Variants in RAD21L1 observed in about 807,000 individuals in gnomAD.
RAD21L1 encodes RAD21 cohesin complex component like 1.
RAD21L1 carries 47 observed loss-of-function variants against 69.0 expected under a neutral mutation model. That is an observed-to-expected ratio of 0.68 (90% CI 0.54 to 0.87). RAD21L1 has a LOEUF of 0.87. Among genes scored for constraint, RAD21L1 ranks in the 40% least tolerant of loss-of-function variants. RAD21L1 has a pLI of 0.00. For missense variants in RAD21L1, 583 were observed against 647.6 expected (o/e 0.90, Z 1.08); for synonymous variants, 177 against 205.8 (o/e 0.86, Z 1.20).
intron 13 of RAD21L1, among the ~76,000 whole-genome samples, chr20:1,251,972 T>G (rs2087843153): frequency 6.6e-6 from 1 of 152,120 alleles, no homozygotes; most frequent in Admixed American, 6.5e-5. Flanking sequence ...GGAGTAAACA[T>G]ATATCAAACC....
intron 13 of RAD21L1, among the ~76,000 whole-genome samples, chr20:1,252,451 T>A (rs1156581974): frequency 6.6e-6 from 1 of 152,162 alleles, no homozygotes; most frequent in Non-Finnish European, 1.5e-5. Flanking sequence ...CTAGGAGATA[T>A]AAGCATGATG....
At position 1,246,729 on chromosome 20, in the gene RAD21L1, A is replaced by G. The variant is rs776561352; in HGVS notation, c.1401+424A>G. Among the ~76,000 whole-genome samples, 1 of 152,162 alleles carries G rather than the reference A, an allele frequency of 6.6e-6. No individual in the cohort carries two copies. The highest frequency in any genetic ancestry group is 2.4e-5 in the African/African-American group (1 of 41,450). On this transcript the variant is annotated intron_variant, in intron 12 of 13. Transcript: ENST00000683101. The surrounding 1 kb of genome is among the most constrained non-coding windows in gnomAD (Gnocchi z 4.6). ...TTTTTCCTTTAACATTATGTGGCAC[A>G]AGGCTTGTATCTATACAAGGCTTCT...
chr20:1,232,957 G>A (rs1288101515), intron 4 of RAD21L1, among the ~76,000 whole-genome samples: 5 of 152,282 alleles, frequency 3.3e-5, no homozygotes, highest in Non-Finnish European at 5.9e-5. Flanking sequence ...AAAGAGACCT[G>A]TAGGAGTTTT....
Position 1,244,175 on chromosome 20 carries a change from G to C in RAD21L1, c.1308+5G>C, listed in dbSNP as rs2087675320. Reference sequence around the variant, plus strand: ...AATAAAAATATTAACTCTGAGGTAAGTTATCCAGAGAGAATCGTAAAAATA... The same window carrying C: ...AATAAAAATATTAACTCTGAGGTAACTTATCCAGAGAGAATCGTAAAAATA... On this transcript the variant is annotated splice_donor_5th_base_variant and intron_variant, in intron 11 of 13. Transcript: ENST00000683101. 5 of 1,526,628 alleles carry C rather than the reference G, an allele frequency of 3.3e-6. No homozygotes were observed. The South Asian group carries it at 6.2e-5, about 19-fold the overall frequency. 94.6% of individuals were successfully genotyped at this position (1,526,628 alleles called of 1,614,324 possible).
intron 5 of RAD21L1, among the ~76,000 whole-genome samples, chr20:1,235,654 A>G (rs1436594683): frequency 1.3e-5 from 2 of 152,172 alleles, no homozygotes; most frequent in African/African-American, 2.4e-5. Flanking sequence ...CTTACTGGCT[A>G]TAACCCCAGA....
rs2087711146 is a variant in RAD21L1 at position 1,246,092 on chromosome 20, G to A, written c.1309-121G>A. On this transcript the variant is annotated intron_variant, in intron 11 of 13. Coordinates refer to ENST00000683101, the MANE Select transcript of RAD21L1 (RefSeq NM_001384355.1). The surrounding 1 kb of genome is among the most constrained non-coding windows in gnomAD (Gnocchi z 4.6). ...CAGAGATAATATTTTGAGAATGTGG[G>A]TAGTATTTTAAATTAGTTTGAGAAG... is the stretch of plus-strand genomic sequence containing the variant. 6 of 471,658 alleles carry A rather than the reference G, an allele frequency of 1.3e-5. No individual in the cohort carries two copies. The South Asian group carries it at 1.8e-4, about 14-fold the overall frequency. The allele number at this position is 471,658 out of a possible 1,614,324, so 29.2% of individuals were successfully genotyped here.
At chr20:1,241,205 C>G (rs574583057) in intron 8 of RAD21L1, among the ~76,000 whole-genome samples, 1 of 152,314 alleles carries the variant, frequency 6.6e-6, no homozygotes, top group Admixed American at 6.5e-5. Flanking sequence ...ATAAAGAAGA[C>G]ACACACTTTT....
At position 1,246,240 on chromosome 20, in the gene RAD21L1, G is replaced by C; in HGVS notation, c.1336G>C (p.Ala446Pro). ...TATTGTTGAAATGGTGTCTTTAGCT[G>C]CTGAGGAATCATCTTTAATGAATGA... is the stretch of plus-strand genomic sequence containing the variant. ...EDIVEMVSLA[A>P]EESSLMNDLF... Residue 446 changes from alanine to proline, a missense_variant, in exon 12 of 14, where the codon GCT (alanine) becomes CCT (proline). By Grantham distance (27) the Ala-to-Pro change is conservative. Transcript: ENST00000683101. The surrounding 1 kb of genome is among the most constrained non-coding windows in gnomAD (Gnocchi z 4.6). The C allele has an allele frequency of 6.5e-7, 1 of 1,540,648 alleles. No homozygotes were observed. The highest frequency in any genetic ancestry group is 8.8e-7 in the Non-Finnish European group (1 of 1,142,666).
At position 1,234,134 on chromosome 20, in the gene RAD21L1, G is replaced by T; in HGVS notation, c.418G>T (p.Glu140Ter). 6.5e-7 allele frequency: 1 copy of T among 1,546,736 alleles called. No homozygotes were observed. The highest frequency in any genetic ancestry group is 8.7e-7 in the Non-Finnish European group (1 of 1,143,002). The change falls in exon 5 of 14, where the codon GAA becomes TAA. Residue 140 changes from glutamate (E) to a stop codon, truncating the protein, a stop_gained. Transcript: ENST00000683101. LOFTEE classifies it high-confidence loss of function. ...HFTQNQSRPE[E>*]ITLRENFDND... ...TACTCAGAACCAAAGCAGACCAGAA[G>T]AAATCACTCTTAGAGAAAATTTTGA...
At chr20:1,227,056 C>T (rs960219729) in intron 1 of RAD21L1, among the ~76,000 whole-genome samples, 1 of 152,040 alleles carries the variant, frequency 6.6e-6, no homozygotes, top group African/African-American at 2.4e-5. Context: ...ATTACAGACG[C>T]CCGCCACCGT....
intron 8 of RAD21L1, among the ~76,000 whole-genome samples, chr20:1,241,206 A>G (rs999016025): frequency 6.6e-6 from 1 of 152,230 alleles, no homozygotes; most frequent in African/African-American, 2.4e-5. Context: ...TAAAGAAGAC[A>G]CACACTTTTT....
chr20:1,251,794 ATTCTT>A (rs1315478728), intron 13 of RAD21L1, among the ~76,000 whole-genome samples: 3 of 151,842 alleles, frequency 2.0e-5, no homozygotes, highest in Non-Finnish European at 2.9e-5. Flanking sequence ...GTTACTAACT[ATTCTT>A]TTATTTTATA....
At chr20:1,249,729 G>A (rs1003911752) in intron 13 of RAD21L1, among the ~76,000 whole-genome samples, 1 of 152,074 alleles carries the variant, frequency 6.6e-6, no homozygotes, top group African/African-American at 2.4e-5. Flanking sequence ...AGAAGAGAAT[G>A]GAAATTAAAG....
chr20:1,227,658 A>G (rs1394301442), intron 1 of RAD21L1, among the ~76,000 whole-genome samples: 2 of 152,242 alleles, frequency 1.3e-5, no homozygotes, highest in Non-Finnish European at 2.9e-5. Flanking sequence ...TAGCTTAGTG[A>G]TAGAGCCCTA....
chr20:1,250,302 G>T (rs936157634), intron 13 of RAD21L1, among the ~76,000 whole-genome samples: 1 of 149,056 alleles, frequency 6.7e-6, no homozygotes, highest in African/African-American at 2.5e-5. Flanking sequence ...TGTGCACAAC[G>T]TGCAGGTTTG....
At chr20:1,231,688 T>G in intron 4 of RAD21L1, 69 bp downstream of exon 4, 1 of 795,562 alleles carries the variant, frequency 1.3e-6, no homozygotes, top group South Asian at 1.7e-5. Flanking sequence ...CAAATTTAAT[T>G]GAGTCAAATG....
chr20:1,244,407 A>G (rs1449561674), intron 11 of RAD21L1, among the ~76,000 whole-genome samples: 3 of 152,194 alleles, frequency 2.0e-5, no homozygotes, highest in Non-Finnish European at 2.9e-5. Flanking sequence ...AGTATTTTGC[A>G]TGATACGTTA....
In RAD21L1 at chr20:1,255,034, A is replaced by G. The variant is rs999115098; in HGVS notation, c.*577A>G. Among the ~76,000 whole-genome samples, 1 of 152,178 alleles carries G rather than the reference A, an allele frequency of 6.6e-6. No homozygotes were observed. The highest frequency in any genetic ancestry group is 2.4e-5 in the African/African-American group (1 of 41,442). ...AAACATCATTATTTCTACACAGACT[A>G]TTTGGTTGCAACGTATATCATACTT... On this transcript the variant is annotated 3_prime_UTR_variant, in exon 14 of 14. Transcript: ENST00000683101.
rs6033233 is a variant in RAD21L1, at chr20:1,253,417, C to T, written c.1480-852C>T. Among the ~76,000 whole-genome samples the T allele has an allele frequency of 2.2e-3, 333 of 152,288 alleles. 2 individuals are homozygous for T. Among genetic ancestry groups the T allele is most frequent in the African/African-American group, 7.7e-3 (319 of 41,556 alleles). ...TTTCAAGCGATTCTTCTGCCTCAGC[C>T]TCCCGAATAGCTGGGATTAGAGGCG... On this transcript the variant is annotated intron_variant, in intron 13 of 13. Transcript: ENST00000683101.
Sources: gnomAD v4.1 joint callset for allele counts (sites outside exome capture counted in the v4.1 genomes callset) on GRCh38, gnomAD v4.1.1 for gene constraint, Gnocchi (gnomAD v3.1) non-coding constraint, MANE v1.5 for transcripts, NCBI Gene and HGNC (gene_info 2026-07-23, HGNC 2026-07-21) for gene names.